The following PLCB1 variants were observed in gnomAD, a reference collection of about 807,000 sequenced individuals.
PLCB1 encodes the protein 1-phosphatidylinositol 4,5-bisphosphate phosphodiesterase beta-1.
PLCB1 carries 46 observed loss-of-function variants against 161.8 expected under a neutral mutation model. That is an observed-to-expected ratio of 0.28 (90% CI 0.22 to 0.36). The LOEUF (loss-of-function observed/expected upper bound fraction) is 0.36, where lower values mean the gene tolerates loss of function less well. Among genes scored for constraint, PLCB1 ranks in the 10% least tolerant of loss-of-function variants. The pLI is 1.00. For synonymous variants in PLCB1, 517 were observed against 503.7 expected, an observed-to-expected ratio of 1.03 and a Z score of -0.35; for missense variants, 1,016 against 1,472.5, an observed-to-expected ratio of 0.69 and a Z score of 5.07.
At chr20:8,201,137 T>C (rs947762258) in intron 2 of PLCB1, among the ~76,000 whole-genome samples, 2 of 152,110 alleles carry the variant, frequency 1.3e-5, no homozygotes, top group Non-Finnish European at 2.9e-5. Flanking sequence ...TAAGTTAGAA[T>C]AATTGTCTTA....
intron 11 of PLCB1, among the ~76,000 whole-genome samples, chr20:8,702,744 C>T (rs1027991884): frequency 1.3e-5 from 2 of 152,142 alleles, no homozygotes; most frequent in Admixed American, 6.5e-5. Context: ...CGTACTTTCA[C>T]ATCCAATGTC....
intron 3 of PLCB1, among the ~76,000 whole-genome samples, chr20:8,548,943 T>C (rs1222603701): frequency 6.6e-6 from 1 of 152,148 alleles, no homozygotes; most frequent in East Asian, 1.9e-4. Context: ...TGATTTTCAG[T>C]GAAGCAGTGA....
intron 19 of PLCB1, among the ~76,000 whole-genome samples, chr20:8,736,406 TG>T: frequency 6.6e-6 from 1 of 152,372 alleles, no homozygotes; most frequent in African/African-American, 2.4e-5. Context: ...CTTATCTTGA[TG>T]GTTTAAAGTG....
intron 1 of PLCB1, among the ~76,000 whole-genome samples, chr20:8,146,902 CTAACT>C (rs2051459473): frequency 6.6e-6 from 1 of 152,164 alleles, no homozygotes; most frequent in South Asian, 2.1e-4. Context: ...TCTGCTATTA[CTAACT>C]TAAGACAAGT....
At chr20:8,768,102 G>A (rs1244077785) in intron 26 of PLCB1, among the ~76,000 whole-genome samples, 1 of 152,040 alleles carries the variant, frequency 6.6e-6, no homozygotes, top group Non-Finnish European at 1.5e-5. Context: ...CCAGGAGATG[G>A]AGGTTGCAGT....
chr20:8,770,846 T>C (rs906138378), intron 26 of PLCB1, among the ~76,000 whole-genome samples: 1 of 152,214 alleles, frequency 6.6e-6, no homozygotes, highest in African/African-American at 2.4e-5. Flanking sequence ...ATTCCCATCT[T>C]GACTTTTCCC....
intron 3 of PLCB1, among the ~76,000 whole-genome samples, chr20:8,390,461 G>A (rs1205481577): frequency 6.6e-6 from 1 of 152,114 alleles, no homozygotes; most frequent in East Asian, 1.9e-4. Flanking sequence ...ACATATAAAT[G>A]TTGAGGGGAC....
chr20:8,542,786 G>A (rs962718285), intron 3 of PLCB1, among the ~76,000 whole-genome samples: 15 of 152,182 alleles, frequency 9.9e-5, no homozygotes. Flanking sequence ...TTCAGATCAG[G>A]GAAGGAAACT....
chr20:8,537,554 C>G (rs555309658), intron 3 of PLCB1, among the ~76,000 whole-genome samples: 1 of 152,206 alleles, frequency 6.6e-6, no homozygotes, highest in South Asian at 2.1e-4. Context: ...ACCTGACTTT[C>G]TTGGTGGGGT....
In PLCB1 at chr20:8,486,055, G is replaced by T. The variant is rs552566769; in HGVS notation, c.246+114605G>T. ...GATAACAGGAAGGAGAAGAATGAGT[G>T]GGGGGAAAAGCCCCTTATAAAACCA... On this transcript the variant is annotated intron_variant, in intron 3 of 31. Transcript: ENST00000338037. 2.0e-5 allele frequency among the ~76,000 whole-genome samples: 3 copies of T among 152,252 alleles called. No homozygotes were observed. The East Asian group carries it at 5.8e-4, about 29-fold the overall frequency.
intron 31 of PLCB1, among the ~76,000 whole-genome samples, chr20:8,824,817 G>A (rs1985610433): frequency 6.6e-6 from 1 of 152,082 alleles, no homozygotes; most frequent in Non-Finnish European, 1.5e-5. Flanking sequence ...TATGAGATAA[G>A]GGGAAAATTG....
At chr20:8,781,324 A>G (rs1050744416) in intron 27 of PLCB1, among the ~76,000 whole-genome samples, 3 of 152,142 alleles carry the variant, frequency 2.0e-5, no homozygotes, top group African/African-American at 7.2e-5. Context: ...TAGTAGTGAA[A>G]TAAGAAATAA....
chr20:8,371,645 G>A, intron 3 of PLCB1, 195 bp downstream of exon 3: 2 of 427,088 alleles, frequency 4.7e-6, no homozygotes, highest in Non-Finnish European at 8.3e-6. Context: ...CTTGGACAGA[G>A]GGGCTTGCTT....
At chr20:8,409,916 A>G (rs562207059) in intron 3 of PLCB1, among the ~76,000 whole-genome samples, 1 of 152,288 alleles carries the variant, frequency 6.6e-6, no homozygotes, top group East Asian at 1.9e-4. Flanking sequence ...CCCCCATTGA[A>G]TCTGATTTAA....
intron 9 of PLCB1, among the ~76,000 whole-genome samples, chr20:8,663,291 A>C (rs997749568): frequency 7.9e-5 from 12 of 152,060 alleles, no homozygotes; most frequent in Admixed American, 7.9e-4. Flanking sequence ...AACATATCTT[A>C]AAGTAGGTGT....
At chr20:8,185,500 C>T (rs1372317425) in intron 2 of PLCB1, among the ~76,000 whole-genome samples, 2 of 151,608 alleles carry the variant, frequency 1.3e-5, no homozygotes, top group African/African-American at 2.4e-5. Flanking sequence ...GTATGTTGAT[C>T]GGTAAAATGT....
intron 3 of PLCB1, among the ~76,000 whole-genome samples, chr20:8,591,987 G>A (rs1987164240): frequency 6.6e-6 from 1 of 152,108 alleles, no homozygotes; most frequent in African/African-American, 2.4e-5. Context: ...CTCGGAGGAT[G>A]GAACCCAAGC....
intron 2 of PLCB1, among the ~76,000 whole-genome samples, chr20:8,276,327 T>A (rs757092916): frequency 1.4e-4 from 22 of 152,222 alleles, no homozygotes; most frequent in Non-Finnish European, 3.1e-4. Flanking sequence ...TGTGCACACA[T>A]GTTATTCACA....
chr20:8,372,738 CCAA>C (rs768632119), intron 3 of PLCB1, among the ~76,000 whole-genome samples: 5 of 152,170 alleles, frequency 3.3e-5, no homozygotes, highest in African/African-American at 4.8e-5. Flanking sequence ...TCTTCTTCCC[CCAA>C]CAACATTTCA....
Sources: gnomAD v4.1 joint callset for allele counts (sites outside exome capture counted in the v4.1 genomes callset) on GRCh38, gnomAD v4.1.1 for gene constraint, MANE v1.5 for transcripts, NCBI Gene and HGNC (gene_info 2026-07-23, HGNC 2026-07-21) for gene names.